CDH18: variants seen among roughly 807,000 people sequenced by gnomAD.
CDH18 encodes cadherin-18.
CDH18 carries 31 observed loss-of-function variants against 67.9 expected under a neutral mutation model. The ratio of observed to expected loss-of-function variants is 0.46; its 90% CI spans 0.34 to 0.62. CDH18 has a LOEUF of 0.62. Among genes scored for constraint, CDH18 ranks in the 20% least tolerant of loss-of-function variants. The pLI is 0.01. For synonymous variants in CDH18, 362 were observed against 347.2 expected (o/e 1.04, Z -0.48); for missense variants, 890 against 975.5 (o/e 0.91, Z 1.17).
In CDH18 at chr5:19,471,406, A is replaced by C. The variant is rs1737639750; in HGVS notation, c.*1820T>G. 6.6e-6 allele frequency among the ~76,000 whole-genome samples: 1 copy of C among 152,140 alleles called. No homozygotes were observed. The highest frequency in any genetic ancestry group is 2.4e-5 in the African/African-American group (1 of 41,446). Reference sequence around the variant, plus strand: ...ATACCTCAAATTATAATATGATAGCACAGGGCAATTGCAAACAGAGGTAAA... The same window carrying C: ...ATACCTCAAATTATAATATGATAGCCCAGGGCAATTGCAAACAGAGGTAAA... On this transcript the variant is annotated 3_prime_UTR_variant, in exon 13 of 13. Transcript: ENST00000382275.
Position 19,524,052 on chromosome 5 carries a change from A to T in CDH18, c.1391-3274T>A, listed in dbSNP as rs572688057. Among the ~76,000 whole-genome samples, 9 of 152,134 alleles carry T rather than the reference A, an allele frequency of 5.9e-5. No individual in the cohort carries two copies. In the South Asian group the frequency reaches 1.9e-3, roughly 31 times the overall value. ...CACGTAAAAGTAAATATTATACTGT[A>T]AAACTAATAAGATAATGTTTAGGAT... On this transcript the variant is annotated intron_variant, in intron 9 of 12. Transcript: ENST00000382275.
At chr5:20,318,788 A>G (rs943916424) in intron 1 of CDH18, among the ~76,000 whole-genome samples, 13 of 152,168 alleles carry the variant, frequency 8.5e-5, no homozygotes, top group Non-Finnish European at 1.8e-4. Flanking sequence ...TTTAAGTTCT[A>G]GGGTACATAT....
Position 20,157,847 on chromosome 5 carries a change from G to A in CDH18, c.-518+97597C>T, listed in dbSNP as rs144845120. Among the ~76,000 whole-genome samples the A allele has an allele frequency of 4.7e-3, 708 of 151,900 alleles. 3 individuals are homozygous for A. The highest frequency in any genetic ancestry group is 7.8e-3 in the Non-Finnish European group (531 of 67,952). On this transcript the variant is annotated intron_variant, in intron 2 of 14. Transcript: ENST00000507958. ...AGTAGAGATGGGGTTTCACCATGTT[G>A]GCCAGGATGGTCTCGATCTCCTGAC... is the stretch of plus-strand genomic sequence containing the variant.
intron 2 of CDH18, among the ~76,000 whole-genome samples, chr5:19,883,691 G>A (rs1787904367): frequency 6.6e-6 from 1 of 152,044 alleles, no homozygotes; most frequent in South Asian, 2.1e-4. Context: ...CAAGTGAATT[G>A]GATCTGAAAT....
At chr5:19,990,986 A>T (rs1259900035), upstream of CDH18, among the ~76,000 whole-genome samples, 1 of 152,210 alleles carries the variant, frequency 6.6e-6, no homozygotes, top group Non-Finnish European at 1.5e-5. Context: ...CTGAATTCCC[A>T]CTTGGGTTAC....
chr5:20,134,946 G>C (rs529258791), intron 2 of CDH18, among the ~76,000 whole-genome samples: 4 of 152,138 alleles, frequency 2.6e-5, no homozygotes, highest in African/African-American at 4.8e-5. Context: ...CTTCATAATT[G>C]CTTCTCCAGT....
chr5:20,001,036 A>G (rs1736399049), intron 2 of CDH18, among the ~76,000 whole-genome samples: 2 of 152,218 alleles, frequency 1.3e-5, no homozygotes, highest in South Asian at 4.1e-4. Context: ...TTACTGTGAA[A>G]AAATGATGTA....
At chr5:19,723,804 C>T (rs781611332) in intron 4 of CDH18, among the ~76,000 whole-genome samples, 1 of 152,084 alleles carries the variant, frequency 6.6e-6, no homozygotes, top group African/African-American at 2.4e-5. Context: ...ACCTCCACCT[C>T]CCGAGTTCAG....
At chr5:20,435,970 T>A (rs1749137193) in intron 1 of CDH18, among the ~76,000 whole-genome samples, 1 of 152,078 alleles carries the variant, frequency 6.6e-6, no homozygotes. Flanking sequence ...TAAGTACTTC[T>A]AAGTTTTCAA....
At chr5:19,608,794 C>A (rs1323039155) in intron 6 of CDH18, among the ~76,000 whole-genome samples, 3 of 151,652 alleles carry the variant, frequency 2.0e-5, no homozygotes, top group Non-Finnish European at 4.4e-5. Flanking sequence ...CTGAAGCTCA[C>A]TTGTGGCTGC....
chr5:19,607,607 G>A (rs1182285617), intron 6 of CDH18, among the ~76,000 whole-genome samples: 3 of 151,346 alleles, frequency 2.0e-5, no homozygotes, highest in Admixed American at 6.6e-5. Flanking sequence ...AATAGCAAAT[G>A]ATATACCTAA....
At chr5:19,797,527 C>T (rs1290901090) in intron 3 of CDH18, among the ~76,000 whole-genome samples, 1 of 151,856 alleles carries the variant, frequency 6.6e-6, no homozygotes, top group Non-Finnish European at 1.5e-5. Flanking sequence ...GATCATCAAA[C>T]ACAAATCAAT....
At chr5:20,540,063 A>T (rs1756968334) in intron 1 of CDH18, among the ~76,000 whole-genome samples, 2 of 152,152 alleles carry the variant, frequency 1.3e-5, no homozygotes, top group Non-Finnish European at 2.9e-5. Context: ...TAATACCTAC[A>T]TAGTGTAAAA....
chr5:20,333,528 T>TACACACAC (rs10658368), intron 1 of CDH18, among the ~76,000 whole-genome samples: 11 of 136,838 alleles, frequency 8.0e-5, no homozygotes, highest in African/African-American at 2.7e-4. Context: ...ACAATATATA[T>TACACACAC]ACACACACAC....
At chr5:19,582,237 CATAA>C (rs1743381767) in intron 7 of CDH18, among the ~76,000 whole-genome samples, 1 of 151,736 alleles carries the variant, frequency 6.6e-6, no homozygotes, top group African/African-American at 2.4e-5. Context: ...GTATATATGA[CATAA>C]ATAAAATAAT....
intron 1 of CDH18, among the ~76,000 whole-genome samples, chr5:20,316,421 A>C (rs1478937445): frequency 6.6e-6 from 1 of 152,108 alleles, no homozygotes; most frequent in African/African-American, 2.4e-5. Context: ...TATTGTATTC[A>C]GATTACTCCA....
At chr5:20,089,728 T>A (rs1003412092) in intron 2 of CDH18, among the ~76,000 whole-genome samples, 1 of 152,146 alleles carries the variant, frequency 6.6e-6, no homozygotes, top group Non-Finnish European at 1.5e-5. Context: ...TTAAAATACT[T>A]CCCTAGAGCA....
chr5:19,752,405 C>G (rs1392401183), intron 3 of CDH18, among the ~76,000 whole-genome samples: 1 of 152,066 alleles, frequency 6.6e-6, no homozygotes, highest in Non-Finnish European at 1.5e-5. Context: ...TGACTCCCGG[C>G]TCTCCCCCAC....
intron 1 of CDH18, among the ~76,000 whole-genome samples, chr5:20,346,362 T>C (rs1455614548): frequency 6.6e-6 from 1 of 152,200 alleles, no homozygotes; most frequent in Non-Finnish European, 1.5e-5. Flanking sequence ...ACATTCATTG[T>C]ATGTGGGCAG....
Sources: allele counts gnomAD v4.1 joint callset (sites outside exome capture counted in the v4.1 genomes callset), GRCh38; gene constraint gnomAD v4.1.1; transcripts MANE v1.5; gene names NCBI Gene and HGNC (gene_info 2026-07-23, HGNC 2026-07-21).